The following JAM3 variants were observed in gnomAD, a reference collection of about 807,000 sequenced individuals.
JAM3 encodes the protein junctional adhesion molecule C.
JAM3 carries 31 observed loss-of-function variants against 39.4 expected under a neutral mutation model. That is an observed-to-expected ratio of 0.79 (90% CI 0.59 to 1.06). The LOEUF is 1.06. JAM3 is among the 50% of genes least tolerant of loss of function. The pLI, the probability that JAM3 is intolerant of heterozygous loss-of-function variation, is 0.00. For missense variants in JAM3, 455 were observed against 391.4 expected (o/e 1.16, Z -1.37); for synonymous variants, 182 against 148.7 (o/e 1.22, Z -1.63).
At chr11:134,102,905 T>G (rs968116448) in intron 1 of JAM3, among the ~76,000 whole-genome samples, 1 of 152,144 alleles carries the variant, frequency 6.6e-6, no homozygotes, top group Non-Finnish European at 1.5e-5. Flanking sequence ...CTGAAAGTGA[T>G]GGGGAGAATG....
chr11:134,082,031 A>C (rs1411071300), intron 1 of JAM3, among the ~76,000 whole-genome samples: 12 of 152,202 alleles, frequency 7.9e-5, no homozygotes, highest in African/African-American at 2.7e-4. Context: ...TCAGACTTGC[A>C]TGGGGCCTAT....
Position 134,149,754 on chromosome 11 carries a change from AAAC to A in JAM3, c.*577_*579del, listed in dbSNP as rs1591812149. 4.6e-6 allele frequency: 2 copies of A among 437,030 alleles called. No individual in the cohort carries two copies. The highest frequency in any genetic ancestry group is 9.3e-6 in the Non-Finnish European group (2 of 215,004). 27.1% of individuals were successfully genotyped at this position (437,030 alleles called of 1,614,324 possible). ...AGCTTTTTGGATCAGCATTTTGTAAAAACAACCAAAATCAGGAAGGTAAATTGG... is the reference window on the plus strand; with the variant it reads ...AGCTTTTTGGATCAGCATTTTGTAAAAACCAAAATCAGGAAGGTAAATTGG... On this transcript the variant is annotated 3_prime_UTR_variant, in exon 9 of 9. Coordinates refer to ENST00000299106, the MANE Select transcript of JAM3 (RefSeq NM_032801.5).
chr11:134,109,708 G>A (rs1280055156), intron 1 of JAM3, among the ~76,000 whole-genome samples: 1 of 152,230 alleles, frequency 6.6e-6, no homozygotes, highest in African/African-American at 2.4e-5. Context: ...GGCTGGAGGG[G>A]AAAGAGGGAG....
intron 1 of JAM3, among the ~76,000 whole-genome samples, chr11:134,093,938 A>G (rs71486983): frequency 2.9e-4 from 28 of 95,732 alleles, no homozygotes; most frequent in East Asian, 7.0e-4. Context: ...CTTCTCCTGA[A>G]CCCTCCTTAT....
In JAM3 at chr11:134,149,357, G is replaced by C; in HGVS notation, c.*176G>C. 1 of 717,660 alleles carries C rather than the reference G, an allele frequency of 1.4e-6. No homozygotes were observed. The highest frequency in any genetic ancestry group is 1.7e-5 in the South Asian group (1 of 59,888). 44.5% of individuals were successfully genotyped at this position (717,660 alleles called of 1,614,324 possible). On this transcript the variant is annotated 3_prime_UTR_variant, in exon 9 of 9. Transcript: ENST00000299106. ...CTTACTCTAACAAGCCACATGAATA[G>C]AAGAATTTTCCTCAAGATGGACCCG...
chr11:134,116,703 A>G (rs1440102792), intron 1 of JAM3, among the ~76,000 whole-genome samples: 1 of 151,964 alleles, frequency 6.6e-6, no homozygotes, highest in East Asian at 1.9e-4. Flanking sequence ...CCTGGGTACT[A>G]GAAATGCTTT....
chr11:134,080,040 T>G (rs1941639188), intron 1 of JAM3, among the ~76,000 whole-genome samples: 1 of 152,188 alleles, frequency 6.6e-6, no homozygotes, highest in Non-Finnish European at 1.5e-5. Flanking sequence ...GATCTAGTGT[T>G]TTAAGAATTC....
intron 1 of JAM3, among the ~76,000 whole-genome samples, chr11:134,134,398 CAAAAAA>C (rs34729848): frequency 6.9e-4 from 22 of 31,924 alleles, no homozygotes; most frequent in African/African-American, 1.3e-3. Context: ...GGATAAATGC[CAAAAAA>C]AAAAAAAAAA....
In JAM3 at chr11:134,117,672, T is replaced by C. The variant is rs116877466; in HGVS notation, c.77-22179T>C. Among the ~76,000 whole-genome samples the C allele has an allele frequency of 1.0e-3, 157 of 152,338 alleles. 5 individuals are homozygous for C. In the East Asian group the frequency reaches 0.021, roughly 21 times the overall value. The stretch of plus-strand genomic sequence containing the variant: ...GCTTGAATATGTTTCCTCTTGTTGA[T>C]ATGACAGTGGGATATGACAGTGGAG... On this transcript the variant is annotated intron_variant, in intron 1 of 8. Transcript: ENST00000299106.
chr11:134,072,158 AC>A (rs1401598200), intron 1 of JAM3, among the ~76,000 whole-genome samples: 1 of 152,218 alleles, frequency 6.6e-6, no homozygotes, highest in Non-Finnish European at 1.5e-5. Flanking sequence ...AGTACATTCG[AC>A]TAGCAGCTGT....
intron 1 of JAM3, among the ~76,000 whole-genome samples, chr11:134,078,275 A>C (rs1400381871): frequency 6.6e-6 from 1 of 151,770 alleles, no homozygotes; most frequent in African/African-American, 2.4e-5. Flanking sequence ...ATGTGCCACC[A>C]CACCCGGCTA....
intron 1 of JAM3, among the ~76,000 whole-genome samples, chr11:134,099,931 C>G (rs1186918863): frequency 6.6e-6 from 1 of 152,126 alleles, no homozygotes; most frequent in African/African-American, 2.4e-5. Context: ...CTAACCTCAT[C>G]ATTTTCTGCT....
intron 1 of JAM3, among the ~76,000 whole-genome samples, chr11:134,123,193 G>T (rs1237761668): frequency 6.6e-6 from 1 of 151,634 alleles, no homozygotes; most frequent in African/African-American, 2.4e-5. Context: ...ATATCTATAT[G>T]TCACTGCTTT....
At chr11:134,105,623 C>A (rs1248430766) in intron 1 of JAM3, among the ~76,000 whole-genome samples, 1 of 151,642 alleles carries the variant, frequency 6.6e-6, no homozygotes, top group African/African-American at 2.4e-5. Context: ...AGCCCAAAAT[C>A]TCCTTAAGCT....
chr11:134,076,480 T>C (rs1390436018), intron 1 of JAM3, among the ~76,000 whole-genome samples: 2 of 152,152 alleles, frequency 1.3e-5, no homozygotes, highest in East Asian at 1.9e-4. Flanking sequence ...TTTAAAACAT[T>C]GTGTGCACAG....
chr11:134,069,232 T>G, intron 1 of JAM3, 73 bp downstream of exon 1: 1 of 1,553,454 alleles, frequency 6.4e-7, no homozygotes, highest in South Asian at 1.2e-5. Flanking sequence ...CCGAAGCTGC[T>G]GGAGCCGGTC....
At chr11:134,138,182 A>T (rs910671207) in intron 1 of JAM3, among the ~76,000 whole-genome samples, 2 of 126,082 alleles carry the variant, frequency 1.6e-5, no homozygotes, top group African/African-American at 3.5e-5. Context: ...CGTCTCGTCG[A>T]AGTCGTGGTG....
At chr11:134,093,114 G>T (rs1941904203) in intron 1 of JAM3, among the ~76,000 whole-genome samples, 1 of 129,500 alleles carries the variant, frequency 7.7e-6, no homozygotes. Context: ...CCTGAGGGAA[G>T]CTTCTCCTGA....
At chr11:134,074,427 G>A (rs1941531943) in intron 1 of JAM3, among the ~76,000 whole-genome samples, 1 of 152,184 alleles carries the variant, frequency 6.6e-6, no homozygotes. Context: ...TAATGTGATA[G>A]CATGTGGATT....
Sources: allele counts gnomAD v4.1 joint callset (sites outside exome capture counted in the v4.1 genomes callset), GRCh38; gene constraint gnomAD v4.1.1; transcripts MANE v1.5; gene names NCBI Gene and HGNC (gene_info 2026-07-23, HGNC 2026-07-21).